Variants in PRMT8 observed in about 807,000 individuals in gnomAD.
The protein encoded by PRMT8 is protein arginine methyltransferase 8.
In PRMT8, 7 loss-of-function variants were observed where a neutral mutation model predicts 47.1. The ratio of observed to expected loss-of-function variants is 0.15; its 90% CI spans 0.08 to 0.28. PRMT8 has a LOEUF of 0.28. Ranked by LOEUF, PRMT8 falls within the 10% of genes least tolerant of loss-of-function variation. The probability of loss-of-function intolerance (pLI) is 1.00; values close to 1 mark genes in which losing one functional copy is unlikely to be tolerated. For synonymous variants in PRMT8, 188 were observed against 186.5 expected (o/e 1.01, Z -0.07); for missense variants, 237 against 505.4 (o/e 0.47, Z 5.09).
intron 1 of PRMT8, among the ~76,000 whole-genome samples, chr12:3,385,583 T>TTAAC (rs10633648): frequency 0.92 from 139,334 of 152,088 alleles, 64,558 homozygotes; most frequent in South Asian, 0.99. Flanking sequence ...GATCAACACT[T>TTAAC]TATTAGGCTA....
intron 1 of PRMT8, among the ~76,000 whole-genome samples, chr12:3,478,261 CATCTATCTATCTATCTATCTATCT>C (rs760728898): frequency 4.2e-4 from 53 of 127,504 alleles, no homozygotes; most frequent in African/African-American, 1.6e-3. Context: ...ATCCACCTAT[CATCTATCTATCTATCTATCTATCT>C]ATCTATCTAT....
At chr12:3,435,150 G>A (rs1331941366) in intron 1 of PRMT8, among the ~76,000 whole-genome samples, 3 of 151,872 alleles carry the variant, frequency 2.0e-5, no homozygotes, top group African/African-American at 7.3e-5. Context: ...TGTATTTTTA[G>A]TAGAGATGGG....
At chr12:3,496,214 A>ATATATATATATATATTTTTTTTTTTTT in intron 1 of PRMT8, among the ~76,000 whole-genome samples, 3 of 27,772 alleles carry the variant, frequency 1.1e-4, no homozygotes, top group African/African-American at 1.8e-4. Context: ...ATATATATAT[A>ATATATATATATATATTTTTTTTTTTTT]TTTTTTTTTT....
Position 3,538,398 on chromosome 12 carries a change from T to C in PRMT8, c.76-2208T>C, listed in dbSNP as rs559695521. The C allele has an allele frequency of 3.2e-6, 1 of 317,426 alleles. No homozygotes were observed. The highest frequency in any genetic ancestry group is 2.2e-5 in the African/African-American group (1 of 46,480). The allele number at this position is 317,426 out of a possible 1,614,324, so 19.7% of individuals were successfully genotyped here. ...GCACGCTGCCTTGCTGTTGGAGATC[T>C]GTGCAGTAGGCAGTTGTGGAATTAA... On this transcript the variant is annotated intron_variant, in intron 1 of 9. Transcript: ENST00000382622. The surrounding 1 kb of genome is among the most constrained non-coding windows in gnomAD (Gnocchi z 4.6).
chr12:3,417,089 T>A (rs1047508951), intron 1 of PRMT8, among the ~76,000 whole-genome samples: 1 of 152,218 alleles, frequency 6.6e-6, no homozygotes, highest in East Asian at 1.9e-4. Context: ...ATGACTTCCA[T>A]TAAGTGCCTG....
chr12:3,563,436 G>A (rs1221145797), intron 4 of PRMT8, among the ~76,000 whole-genome samples: 3 of 151,932 alleles, frequency 2.0e-5, no homozygotes, highest in Non-Finnish European at 4.4e-5. Flanking sequence ...TGACACCGGG[G>A]GCTCCCTTAT....
chr12:3,483,945 G>A (rs1484231779), intron 1 of PRMT8, among the ~76,000 whole-genome samples: 1 of 152,176 alleles, frequency 6.6e-6, no homozygotes. Context: ...ATCGAGTGAT[G>A]ACTACTTATA....
At position 3,582,940 on chromosome 12, in the gene PRMT8, A is replaced by G. The variant is rs536023142; in HGVS notation, c.829-118A>G. 75 of 1,241,686 alleles carry G rather than the reference A, an allele frequency of 6.0e-5. 1 individual carries two copies. In the African/African-American group the frequency reaches 1.0e-3, roughly 17 times the overall value. 76.9% of individuals were successfully genotyped at this position (1,241,686 alleles called of 1,614,324 possible). Reference sequence around the variant, plus strand: ...GAGCCTGGGAAATCACCCCAAGAATAAAGATATCCCTCAGAGAGCTGACAG... The same window carrying G: ...GAGCCTGGGAAATCACCCCAAGAATGAAGATATCCCTCAGAGAGCTGACAG... On this transcript the variant is annotated intron_variant, in intron 7 of 9. Transcript: ENST00000382622.
Position 3,430,053 on chromosome 12 carries a change from C to T in PRMT8, c.48+48611C>T, listed in dbSNP as rs117774240. 2.9e-3 allele frequency among the ~76,000 whole-genome samples: 437 copies of T among 152,292 alleles called. 1 individual carries two copies. Among genetic ancestry groups the T allele is most frequent in the Non-Finnish European group, 4.6e-3 (312 of 68,026 alleles). On this transcript the variant is annotated intron_variant, in intron 1 of 9. Coordinates refer to the PRMT8 transcript ENST00000452611. ...AAGGGCTTTATTCAGCTGGGAGCAC[C>T]GGCAGACTCATGTCTCCAAAAACTG...
intron 1 of PRMT8, among the ~76,000 whole-genome samples, chr12:3,470,490 C>G (rs1207275445): frequency 1.3e-5 from 2 of 152,172 alleles, no homozygotes; most frequent in Non-Finnish European, 2.9e-5. Context: ...CCATGTTTTT[C>G]TCACTAAGTG....
chr12:3,475,645 G>GT (rs998599181), intron 1 of PRMT8, among the ~76,000 whole-genome samples: 3 of 152,142 alleles, frequency 2.0e-5, no homozygotes, highest in Non-Finnish European at 2.9e-5. Context: ...CTTTTGGTCT[G>GT]TAACAGAAGT....
intron 1 of PRMT8, among the ~76,000 whole-genome samples, chr12:3,532,150 C>T (rs1032104594): frequency 1.7e-4 from 26 of 151,858 alleles, no homozygotes; most frequent in African/African-American, 5.1e-4. Context: ...TCTTTCAGAA[C>T]GTTAATTTCT....
chr12:3,469,890 T>C (rs1235694486), intron 1 of PRMT8, among the ~76,000 whole-genome samples: 2 of 152,050 alleles, frequency 1.3e-5, no homozygotes, highest in South Asian at 4.2e-4. Context: ...TGTGGGCTTC[T>C]GTCAGTGCCA....
chr12:3,461,776 A>T (rs1865044734), intron 1 of PRMT8, among the ~76,000 whole-genome samples: 1 of 151,344 alleles, frequency 6.6e-6, no homozygotes. Flanking sequence ...GTATAATTTA[A>T]AGAGTTTACT....
chr12:3,482,524 T>G (rs566428259), intron 1 of PRMT8, among the ~76,000 whole-genome samples: 39 of 152,302 alleles, frequency 2.6e-4, no homozygotes, highest in Non-Finnish European at 5.1e-4. Context: ...GCAAATATGG[T>G]GTGCAAGCTG....
intron 4 of PRMT8, among the ~76,000 whole-genome samples, chr12:3,558,189 C>G (rs1328866647): frequency 6.6e-6 from 1 of 152,028 alleles, no homozygotes; most frequent in Non-Finnish European, 1.5e-5. Context: ...ACCACACAGC[C>G]CCCTCATCAT....
At position 3,453,765 on chromosome 12, in the gene PRMT8, G is replaced by A. The variant is rs1864945636; in HGVS notation, c.48+72323G>A. 1.3e-5 allele frequency among the ~76,000 whole-genome samples: 2 copies of A among 152,016 alleles called. No homozygotes were observed. The highest frequency in any genetic ancestry group is 4.2e-4 in the South Asian group (2 of 4,814). ...TGTGGTCTGTGTCCTGACGTGGCCC[G>A]ACTGTGGACCCCCTTGTCCTCCTGC... On this transcript the variant is annotated intron_variant, in intron 1 of 9. Transcript: ENST00000452611. This position sits in a 1 kb window ranked among gnomAD's most constrained non-coding sequence, Gnocchi z 4.9.
At chr12:3,389,524 C>A (rs929422444) in intron 1 of PRMT8, among the ~76,000 whole-genome samples, 2 of 152,144 alleles carry the variant, frequency 1.3e-5, no homozygotes, top group African/African-American at 4.8e-5. Flanking sequence ...TGTCCTCCTA[C>A]CATATGCCAG....
chr12:3,517,874 C>G (rs1164747218), intron 1 of PRMT8, among the ~76,000 whole-genome samples: 1 of 152,016 alleles, frequency 6.6e-6, no homozygotes, highest in African/African-American at 2.4e-5. Context: ...GCCTAAAGAG[C>G]CTATTTGTCA....
Sources: gnomAD v4.1 joint callset for allele counts (sites outside exome capture counted in the v4.1 genomes callset) on GRCh38, gnomAD v4.1.1 for gene constraint, Gnocchi (gnomAD v3.1) non-coding constraint, MANE v1.5 for transcripts, NCBI Gene and HGNC (gene_info 2026-07-23, HGNC 2026-07-21) for gene names.